CSGALNACT1: variants seen among roughly 807,000 people sequenced by gnomAD.
The protein encoded by CSGALNACT1 is beta4GalNAcT-1.
In CSGALNACT1, 52 loss-of-function variants were observed where a neutral mutation model predicts 51.0. The observed-to-expected ratio is 1.02, with a 90% CI of 0.82 to 1.29. CSGALNACT1 has a LOEUF of 1.29. Among genes scored for constraint, CSGALNACT1 ranks in the 50% most tolerant of loss-of-function variants. The probability of loss-of-function intolerance (pLI) is 0.00; values close to 1 mark genes in which losing one functional copy is unlikely to be tolerated. For synonymous variants in CSGALNACT1, 341 were observed against 254.4 expected (o/e 1.34, Z -3.24); for missense variants, 935 against 679.2 (o/e 1.38, Z -4.19).
chr8:19,534,973 T>C (rs1019662274), intron 3 of CSGALNACT1, among the ~76,000 whole-genome samples: 1 of 152,170 alleles, frequency 6.6e-6, no homozygotes, highest in African/African-American at 2.4e-5. Flanking sequence ...GAAATATATG[T>C]GGTGGCTGAC....
At position 19,636,010 on chromosome 8, in the gene CSGALNACT1, A is replaced by G. The variant is rs191993721; in HGVS notation, c.-543-34145T>C. The stretch of plus-strand genomic sequence containing the variant: ...CTTCCAATGTGCTGAGATTACAGGC[A>G]TGAGCCTGTTCATTCATTTTTCAAA... On this transcript the variant is annotated intron_variant, in intron 1 of 9. Transcript: ENST00000332246. 3.3e-3 allele frequency among the ~76,000 whole-genome samples: 509 copies of G among 152,302 alleles called. 11 individuals carry two copies. The South Asian group carries it at 0.074, about 22-fold the overall frequency.
chr8:19,708,742 G>A (rs1359918002), intron 1 of CSGALNACT1, among the ~76,000 whole-genome samples: 3 of 152,024 alleles, frequency 2.0e-5, no homozygotes, highest in African/African-American at 4.8e-5. Flanking sequence ...TCCACTCCCC[G>A]GGACTGTTTA....
intron 4 of CSGALNACT1, among the ~76,000 whole-genome samples, chr8:19,486,578 A>G (rs1469220612): frequency 6.6e-6 from 1 of 151,828 alleles, no homozygotes; most frequent in African/African-American, 2.4e-5. Context: ...TGTTCCTTCC[A>G]TCTGGAAACT....
chr8:19,729,008 G>A (rs1444639819), intron 1 of CSGALNACT1, among the ~76,000 whole-genome samples: 1 of 151,990 alleles, frequency 6.6e-6, no homozygotes, highest in Non-Finnish European at 1.5e-5. Context: ...TTTTTAAGCT[G>A]ATATATTTCC....
intron 1 of CSGALNACT1, among the ~76,000 whole-genome samples, chr8:19,630,151 G>T (rs950902208): frequency 3.3e-5 from 5 of 151,590 alleles, no homozygotes; most frequent in South Asian, 2.1e-4. Flanking sequence ...GGTAGCCACA[G>T]TTAGGTTGCC....
At chr8:19,457,629 A>G in intron 5 of CSGALNACT1, 3 of 1,269,622 alleles carry the variant, frequency 2.4e-6, no homozygotes, top group Non-Finnish European at 1.0e-6. Flanking sequence ...AAAGAAATAA[A>G]AAATCAGCTT....
chr8:19,650,181 G>C (rs924726031), intron 1 of CSGALNACT1, among the ~76,000 whole-genome samples: 5 of 152,156 alleles, frequency 3.3e-5, no homozygotes, highest in African/African-American at 1.2e-4. Context: ...TGAGTAGCAA[G>C]GCACCAGGCA....
intron 3 of CSGALNACT1, among the ~76,000 whole-genome samples, chr8:19,515,710 A>C (rs560772922): frequency 6.6e-6 from 1 of 151,932 alleles, no homozygotes; most frequent in African/African-American, 2.4e-5. Context: ...AACAGACTCA[A>C]GTCCTATTTT....
intron 3 of CSGALNACT1, among the ~76,000 whole-genome samples, chr8:19,539,060 T>C (rs2084450580): frequency 6.6e-6 from 1 of 152,208 alleles, no homozygotes; most frequent in Admixed American, 6.5e-5. Context: ...TTGTTATATT[T>C]TCTTTTTATA....
At chr8:19,629,926 G>A (rs1400351502) in intron 1 of CSGALNACT1, among the ~76,000 whole-genome samples, 2 of 152,116 alleles carry the variant, frequency 1.3e-5, no homozygotes, top group East Asian at 1.9e-4. Context: ...ATTCTGAGAC[G>A]CCCAGTAGGC....
At chr8:19,447,356 G>T (rs1229250293) in intron 5 of CSGALNACT1, among the ~76,000 whole-genome samples, 1 of 152,178 alleles carries the variant, frequency 6.6e-6, no homozygotes, top group Non-Finnish European at 1.5e-5. Flanking sequence ...AACGTAAATA[G>T]GCTGTGGGGA....
intron 1 of CSGALNACT1, among the ~76,000 whole-genome samples, chr8:19,639,688 A>AC (rs912061995): frequency 5.9e-5 from 9 of 152,096 alleles, no homozygotes; most frequent in African/African-American, 2.2e-4. Flanking sequence ...CTCTTCTTCC[A>AC]CCTCAAGGGG....
chr8:19,646,887 T>C (rs2057327745), intron 1 of CSGALNACT1, among the ~76,000 whole-genome samples: 1 of 152,174 alleles, frequency 6.6e-6, no homozygotes, highest in South Asian at 2.1e-4. Context: ...AGTGTCCAGA[T>C]CTTGCCAAGT....
At chr8:19,477,339 T>C (rs543229914) in intron 4 of CSGALNACT1, among the ~76,000 whole-genome samples, 3 of 152,286 alleles carry the variant, frequency 2.0e-5, no homozygotes, top group African/African-American at 7.2e-5. Flanking sequence ...ACTAAACACG[T>C]GGACAAATGG....
intron 6 of CSGALNACT1, among the ~76,000 whole-genome samples, chr8:19,437,106 T>C (rs1239785688): frequency 6.6e-6 from 1 of 151,870 alleles, no homozygotes; most frequent in Non-Finnish European, 1.5e-5. Flanking sequence ...CAGGAAGAAA[T>C]GTAAATCATC....
At chr8:19,513,415 A>G (rs4922051) in intron 3 of CSGALNACT1, among the ~76,000 whole-genome samples, 1 of 111,498 alleles carries the variant, frequency 9.0e-6, no homozygotes. Context: ...TCTCTCTCTC[A>G]CTCTCTCTCT....
intron 1 of CSGALNACT1, among the ~76,000 whole-genome samples, chr8:19,748,213 G>A (rs2064803484): frequency 6.6e-6 from 1 of 152,116 alleles, no homozygotes; most frequent in South Asian, 2.1e-4. Context: ...TACCTTTCCG[G>A]TAACTAATTA....
rs1285808534 is a variant in CSGALNACT1 at position 19,439,488 on chromosome 8, T to C, written c.953+342A>G. On this transcript the variant is annotated intron_variant, in intron 6 of 9. Transcript: ENST00000454498. ...GCCCAGCTGTGCTCTCCCTAATTCC[T>C]ACTCTGCAACATAAAGAAGTCCCCA... 2.0e-5 allele frequency among the ~76,000 whole-genome samples: 3 copies of C among 152,198 alleles called. No individual in the cohort carries two copies. The South Asian group carries it at 6.2e-4, about 31-fold the overall frequency.
intron 6 of CSGALNACT1, among the ~76,000 whole-genome samples, chr8:19,428,339 C>T (rs369164032): frequency 1.6e-4 from 24 of 152,058 alleles, no homozygotes; most frequent in Admixed American, 7.2e-4. Flanking sequence ...ACATTCATGG[C>T]GGAAGGCAGA....
Sources: allele counts gnomAD v4.1 joint callset (sites outside exome capture counted in the v4.1 genomes callset), GRCh38; gene constraint gnomAD v4.1.1; transcripts MANE v1.5; gene names NCBI Gene and HGNC (gene_info 2026-07-23, HGNC 2026-07-21).